MACROD2: variants seen among roughly 807,000 people sequenced by gnomAD.
MACROD2 encodes the protein mono-ADP ribosylhydrolase 2, also known as ADP-ribose glycohydrolase MACROD2.
Under a neutral mutation model 70.4 loss-of-function variants are expected in MACROD2, and 36 were observed. That is an observed-to-expected ratio of 0.51 (90% confidence interval 0.39 to 0.68). The LOEUF (loss-of-function observed/expected upper bound fraction) is 0.68, where lower values mean the gene tolerates loss of function less well. Ranked by LOEUF, MACROD2 falls within the 30% of genes least tolerant of loss-of-function variation. The pLI is 0.00. For synonymous variants in MACROD2, 172 were observed against 178.8 expected (o/e 0.96, Z 0.30); for missense variants, 496 against 538.4 (o/e 0.92, Z 0.78).
chr20:14,507,346 C>T (rs1027069070), intron 4 of MACROD2, among the ~76,000 whole-genome samples: 9 of 151,840 alleles, frequency 5.9e-5, no homozygotes, highest in Non-Finnish European at 1.2e-4. Context: ...GTAAAAACAG[C>T]TGAAAAGTAG....
At chr20:14,758,590 C>G (rs1187438034) in intron 5 of MACROD2, among the ~76,000 whole-genome samples, 1 of 152,112 alleles carries the variant, frequency 6.6e-6, no homozygotes, top group East Asian at 1.9e-4. Context: ...CTGAGCAAAT[C>G]CACTGGGGGA....
chr20:14,945,992 G>A (rs997977580), intron 5 of MACROD2, among the ~76,000 whole-genome samples: 1 of 152,150 alleles, frequency 6.6e-6, no homozygotes, highest in African/African-American at 2.4e-5. Context: ...TGGATCACCT[G>A]AGGTCAAGAG....
At chr20:15,944,466 A>ACCTG (rs2065793816) in intron 12 of MACROD2, among the ~76,000 whole-genome samples, 2 of 152,086 alleles carry the variant, frequency 1.3e-5, no homozygotes, top group Non-Finnish European at 2.9e-5. Flanking sequence ...TGTCTTTCAA[A>ACCTG]TATAACAGTA....
At chr20:15,894,073 T>C (rs577735602) in intron 10 of MACROD2, 3 of 393,696 alleles carry the variant, frequency 7.6e-6, no homozygotes, top group South Asian at 3.8e-5. Context: ...AGGAACATGA[T>C]GCCACAGGGG....
At chr20:15,650,368 A>G (rs1284211885) in intron 8 of MACROD2, among the ~76,000 whole-genome samples, 2 of 152,206 alleles carry the variant, frequency 1.3e-5, no homozygotes, top group South Asian at 2.1e-4. Context: ...AAAAAAAATT[A>G]TGCTGCTTTC....
intron 5 of MACROD2, among the ~76,000 whole-genome samples, chr20:15,066,276 C>T (rs376355147): frequency 3.2e-4 from 48 of 151,820 alleles, no homozygotes; most frequent in African/African-American, 1.1e-3. Flanking sequence ...GGATTACAGG[C>T]GCCCACCACA....
chr20:14,176,500 A>G (rs956021631), intron 3 of MACROD2, among the ~76,000 whole-genome samples: 2 of 152,142 alleles, frequency 1.3e-5, no homozygotes, highest in East Asian at 1.9e-4. Context: ...TGATTTTTCT[A>G]TAAGTTCACC....
At chr20:14,082,590 T>A (rs1253981860) in intron 2 of MACROD2, among the ~76,000 whole-genome samples, 1 of 152,226 alleles carries the variant, frequency 6.6e-6, no homozygotes, top group Non-Finnish European at 1.5e-5. Flanking sequence ...AAATGTGAGT[T>A]ACTTACATAA....
intron 6 of MACROD2, among the ~76,000 whole-genome samples, chr20:15,332,374 T>A (rs1353687536): frequency 4.0e-5 from 6 of 151,694 alleles, no homozygotes; most frequent in Admixed American, 3.9e-4. Context: ...AGGAAGGTTT[T>A]TTGCTCTAAA....
At chr20:15,116,431 T>A (rs1270552198) in intron 5 of MACROD2, among the ~76,000 whole-genome samples, 1 of 152,086 alleles carries the variant, frequency 6.6e-6, no homozygotes, top group Admixed American at 6.5e-5. Flanking sequence ...TCACTTGAGG[T>A]TGGGAGTTCG....
chr20:14,969,046 A>G (rs182754184), intron 5 of MACROD2, among the ~76,000 whole-genome samples: 1 of 152,200 alleles, frequency 6.6e-6, no homozygotes, highest in Non-Finnish European at 1.5e-5. Context: ...AAAGAGTGCA[A>G]GTATGTCAAA....
intron 3 of MACROD2, among the ~76,000 whole-genome samples, chr20:14,367,380 C>T (rs204637): frequency 0.27 from 40,315 of 152,050 alleles, 5,604 homozygotes; most frequent in African/African-American, 0.34. Context: ...TGCATTTCTT[C>T]ACGTGATTTC....
intron 3 of MACROD2, among the ~76,000 whole-genome samples, chr20:14,277,365 G>A (rs986334419): frequency 1.3e-5 from 2 of 152,278 alleles, no homozygotes; most frequent in African/African-American, 2.4e-5. Flanking sequence ...GTTGAGAATC[G>A]CTTGAACCCA....
intron 8 of MACROD2, among the ~76,000 whole-genome samples, chr20:15,665,610 T>C (rs1339978829): frequency 1.3e-5 from 2 of 152,174 alleles, no homozygotes; most frequent in African/African-American, 4.8e-5. Flanking sequence ...TCAGAATTTG[T>C]CTGTGCTTCT....
chr20:15,583,047 GAAAA>G (rs143238061), intron 8 of MACROD2, among the ~76,000 whole-genome samples: 12 of 148,628 alleles, frequency 8.1e-5, no homozygotes, highest in Admixed American at 6.0e-4. Flanking sequence ...GAGGAGAAGA[GAAAA>G]AAAAAATAAG....
intron 8 of MACROD2, among the ~76,000 whole-genome samples, chr20:15,663,243 T>C (rs1315242589): frequency 6.6e-6 from 1 of 150,478 alleles, no homozygotes; most frequent in African/African-American, 2.5e-5. Context: ...TTTTTTTTTT[T>C]TTTTTTTTTT....
rs1285303468 is a variant in MACROD2 at position 16,050,944 on chromosome 20, T to C, written c.*1068T>C. ...TGTTTATGCCAAGTTCAAGGCTGAT[T>C]CAATGGTTGGTCCCCTCACCCAGAA... On this transcript the variant is annotated 3_prime_UTR_variant, in exon 18 of 18. Coordinates refer to ENST00000684519, the MANE Select transcript of MACROD2 (RefSeq NM_001351661.2). The C allele has an allele frequency of 6.6e-6, 1 of 152,272 alleles. No individual in the cohort carries two copies. Among genetic ancestry groups the C allele is most frequent in the Non-Finnish European group, 1.5e-5 (1 of 68,080 alleles). The allele number at this position is 152,272 out of a possible 1,614,324, so 9.4% of individuals were successfully genotyped here. A position where few individuals can be genotyped will look rare whatever the true frequency, so the allele number is the denominator to read the frequency against.
At chr20:15,967,745 A>C in intron 13 of MACROD2, 115 bp downstream of exon 13, 1 of 868,456 alleles carries the variant, frequency 1.2e-6, no homozygotes, top group Non-Finnish European at 1.7e-6. Context: ...AATTCCAATA[A>C]CACTTTATTA....
At chr20:14,238,506 A>T (rs1016922472) in intron 3 of MACROD2, among the ~76,000 whole-genome samples, 4 of 152,228 alleles carry the variant, frequency 2.6e-5, no homozygotes, top group East Asian at 3.8e-4. Context: ...CAAGACAAGG[A>T]TGCCCATTCT....
Sources: allele counts gnomAD v4.1 joint callset (sites outside exome capture counted in the v4.1 genomes callset), GRCh38; gene constraint gnomAD v4.1.1; transcripts MANE v1.5; gene names NCBI Gene and HGNC (gene_info 2026-07-23, HGNC 2026-07-21).